The following PEX6 variants were observed in gnomAD, a reference collection of about 807,000 sequenced individuals.
PEX6 encodes the protein peroxisome biogenesis factor 6.
A neutral mutation model predicts 85.6 loss-of-function variants in PEX6; 55 were observed. That is an observed-to-expected ratio of 0.64 (90% confidence interval 0.52 to 0.80). PEX6 has a LOEUF of 0.80. Ranked by LOEUF, PEX6 falls within the 30% of genes least tolerant of loss-of-function variation. The pLI is 0.00. For missense variants in PEX6, 1,099 were observed against 1,260.3 expected (o/e 0.87, Z 1.94); for synonymous variants, 519 against 549.1 (o/e 0.95, Z 0.77).
chr6:42,970,312 C>A (rs1770018739), intron 3 of PEX6, among the ~76,000 whole-genome samples: 1 of 152,234 alleles, frequency 6.6e-6, no homozygotes, highest in African/African-American at 2.4e-5. Flanking sequence ...CATCTGATTA[C>A]TTCTACTGGC....
In PEX6 at chr6:42,964,148, A is replaced by T. The variant is rs905584251; in HGVS notation, c.*187T>A. The T allele has an allele frequency of 4.9e-5, 31 of 632,864 alleles. No individual in the cohort carries two copies. The African/African-American group carries it at 4.9e-4, about 10-fold the overall frequency. The allele number at this position is 632,864 out of a possible 1,614,324, so 39.2% of individuals were successfully genotyped here. A position where few individuals can be genotyped will look rare whatever the true frequency, so the allele number is the denominator to read the frequency against. On this transcript the variant is annotated 3_prime_UTR_variant, in exon 17 of 17. Coordinates refer to ENST00000304611, the MANE Select transcript of PEX6 (RefSeq NM_000287.4). This position sits in a 1 kb window ranked among gnomAD's most constrained non-coding sequence, Gnocchi z 4.6. ...GGCCTGGAAGGAGGGGCAAGTAGGCAGGAGATATCTCTTGAGCTGTTGCTG... is the reference window on the plus strand; with the variant it reads ...GGCCTGGAAGGAGGGGCAAGTAGGCTGGAGATATCTCTTGAGCTGTTGCTG...
intron 3 of PEX6, among the ~76,000 whole-genome samples, chr6:42,972,958 G>A (rs1020899965): frequency 4.6e-5 from 7 of 152,012 alleles, no homozygotes; most frequent in African/African-American, 7.2e-5. Flanking sequence ...AAGGAATCCC[G>A]TCTTGGTCTA....
At chr6:42,972,630 C>T (rs907410115) in intron 3 of PEX6, among the ~76,000 whole-genome samples, 3 of 152,002 alleles carry the variant, frequency 2.0e-5, no homozygotes, top group East Asian at 1.9e-4. Flanking sequence ...ATTAGCCGGG[C>T]GTGGTGGTGG....
Position 42,971,938 on chromosome 6 carries a change from G to A in PEX6, c.1131-1951C>T, listed in dbSNP as rs1385090003. ...ATGATAGGAGAGAGAGGTGGGAAGT[G>A]ACTGCTAAGTGCCAGCCTGGCATTT... is the stretch of plus-strand genomic sequence containing the variant. On this transcript the variant is annotated intron_variant, in intron 3 of 16. Coordinates refer to ENST00000304611, the MANE Select transcript of PEX6 (RefSeq NM_000287.4). This position sits in a 1 kb window ranked among gnomAD's most constrained non-coding sequence, Gnocchi z 4.4. Among the ~76,000 whole-genome samples the A allele has an allele frequency of 6.6e-6, 1 of 152,240 alleles. No individual in the cohort carries two copies. Among genetic ancestry groups the A allele is most frequent in the Non-Finnish European group, 1.5e-5 (1 of 68,040 alleles).
Position 42,978,365 on chromosome 6 carries a change from C to T in PEX6, c.786G>A (p.Leu262=). The change falls in exon 1 of 17, where the codon CTG becomes CTA. Residue 262 remains leucine, a synonymous_variant. Transcript: ENST00000304611. The part of the protein sequence containing the change: ...SDRLGPGSGP[L]GEPLADGLAL... ...CCAGTCCGTCAGCGAGGGGCTCTCC[C>T]AGCGGTCCAGAGCCGGGTCCCAGTC... The T allele has an allele frequency of 6.2e-7, 1 of 1,614,204 alleles. No individual in the cohort carries two copies.
rs1251675734 is a variant in PEX6 at position 42,966,253 on chromosome 6, A to C, written c.2289T>G (p.Leu763=). ...LAKAVATECS[L]TFLSVKGPEL... ...GGCCCCCTGGCCACCTGAGGAAGGTAAGGCTGCACTCAGTGGCTACTGCCT... is the reference window on the plus strand; with the variant it reads ...GGCCCCCTGGCCACCTGAGGAAGGTCAGGCTGCACTCAGTGGCTACTGCCT... Residue 763 remains leucine (L), a synonymous_variant, in exon 11 of 17, where the codon CTT becomes CTG. Transcript: ENST00000304611. 12 of 1,612,172 alleles carry C rather than the reference A, an allele frequency of 7.4e-6. No homozygotes were observed. The East Asian group carries it at 2.7e-4, about 36-fold the overall frequency.
At chr6:42,968,203 G>T in intron 7 of PEX6, 87 bp downstream of exon 7, 1 of 1,136,980 alleles carries the variant, frequency 8.8e-7, no homozygotes, top group Non-Finnish European at 1.3e-6. Flanking sequence ...ACCTGCCTCG[G>T]CCTCCCAATG....
chr6:42,976,026 C>G (rs574317151), intron 1 of PEX6, among the ~76,000 whole-genome samples: 1 of 151,708 alleles, frequency 6.6e-6, no homozygotes, highest in Admixed American at 6.6e-5. Context: ...GTAGCTGGGA[C>G]GACAGGCATG....
Position 42,966,121 on chromosome 6 carries a change from T to G in PEX6, c.2301-16A>C, listed in dbSNP as rs773842396. ...CCCCTTCACGCTGAGTGAGAGGATGTGAGAAGGTGAGAGCCGTCAGATGCA... is the reference window on the plus strand; with the variant it reads ...CCCCTTCACGCTGAGTGAGAGGATGGGAGAAGGTGAGAGCCGTCAGATGCA... On this transcript the variant is annotated splice_polypyrimidine_tract_variant and intron_variant, in intron 11 of 16. Coordinates refer to ENST00000304611, the MANE Select transcript of PEX6 (RefSeq NM_000287.4). 1.9e-6 allele frequency: 3 copies of G among 1,613,814 alleles called. No individual in the cohort carries two copies.
chr6:42,966,853 A>G lies in PEX6; in HGVS notation c.1890T>C (p.Phe630=). ...LAQLARRCAG[F]VVGDLYALLT... ...GAAGGGCATAGAGATCCCCTACCACAAAGCCCTAGGGAACCACAGGAAAGG... is the reference window on the plus strand; with the variant it reads ...GAAGGGCATAGAGATCCCCTACCACGAAGCCCTAGGGAACCACAGGAAAGG... The change falls in exon 9 of 17, where the codon TTT becomes TTC. Residue 630 remains phenylalanine, a synonymous_variant. Coordinates refer to ENST00000304611, the MANE Select transcript of PEX6 (RefSeq NM_000287.4). 1 of 1,612,406 alleles carries G rather than the reference A, an allele frequency of 6.2e-7. No homozygotes were observed. Among genetic ancestry groups the G allele is most frequent in the South Asian group, 1.1e-5 (1 of 91,062 alleles).
rs754596982 is a variant in PEX6 at position 42,964,559 on chromosome 6, A to G, written c.2807-88T>C. The G allele has an allele frequency of 6.4e-5, 95 of 1,489,050 alleles. No homozygotes were observed. Among genetic ancestry groups the G allele is most frequent in the Non-Finnish European group, 8.6e-5 (92 of 1,071,622 alleles). 92.2% of individuals were successfully genotyped at this position (1,489,050 alleles called of 1,614,324 possible). A position where few individuals can be genotyped will look rare whatever the true frequency, so the allele number is the denominator to read the frequency against. On this transcript the variant is annotated intron_variant, in intron 16 of 16. Transcript: ENST00000304611. This position sits in a 1 kb window ranked among gnomAD's most constrained non-coding sequence, Gnocchi z 4.6. ...TGGCTTCCTGCTCAGGGTCTCCTAG[A>G]TGTCAATGATCTTCCCTCTGGAATC...
chr6:42,972,998 G>T (rs1391399623), intron 3 of PEX6, among the ~76,000 whole-genome samples: 1 of 152,012 alleles, frequency 6.6e-6, no homozygotes, highest in African/African-American at 2.4e-5. Context: ...AAAAAGAAAA[G>T]AATTTAAATT....
chr6:42,967,293 G>T, intron 8 of PEX6, 75 bp downstream of exon 8: 1 of 1,426,870 alleles, frequency 7.0e-7, no homozygotes, highest in Non-Finnish European at 9.7e-7. Context: ...TCACTCACAA[G>T]GCAACAGGAC....
At chr6:42,972,076 GA>G (rs1770072029) in intron 3 of PEX6, among the ~76,000 whole-genome samples, 1 of 145,686 alleles carries the variant, frequency 6.9e-6, no homozygotes, top group South Asian at 2.3e-4. Flanking sequence ...GCACTGGCCA[GA>G]ACCAAGCACT....
chr6:42,967,755 T>C (rs916295506), intron 7 of PEX6, among the ~76,000 whole-genome samples, 192 bp from the exon 8 acceptor site: 7 of 152,010 alleles, frequency 4.6e-5, no homozygotes, highest in Admixed American at 1.3e-4. Context: ...GCAGAGGCTT[T>C]TTCTTTAACC....
chr6:42,966,191 C>A, intron 11 of PEX6, 51 bp downstream of exon 11: 1 of 1,609,222 alleles, frequency 6.2e-7, no homozygotes, highest in Non-Finnish European at 8.5e-7. Flanking sequence ...TGCTCCCCAG[C>A]CTGCTGCAGC....
rs759895120 is a variant in PEX6, at chr6:42,968,323, C to T, written c.1655G>A (p.Arg552His). Residue 552 changes from arginine to histidine, a missense_variant, in exon 7 of 17, where the codon CGT (arginine) becomes CAT (histidine). Arg to His is a conservative substitution (Grantham distance 29). Transcript: ENST00000304611. ...GEDARVMAVL[R>H]HLLLNEDPLN... is the part of the protein sequence containing the mutation. The stretch of plus-strand genomic sequence containing the variant: ...GGGGTCCTCATTGAGGAGGAGGTGA[C>T]GCAGCACAGCCATCACACGGGCATC... 41 of 1,614,096 alleles carry T rather than the reference C, an allele frequency of 2.5e-5. No individual in the cohort carries two copies. The highest frequency in any genetic ancestry group is 5.0e-5 in the Admixed American group (3 of 60,020).
At position 42,966,769 on chromosome 6, in the gene PEX6, C is replaced by T. The variant is rs923402821; in HGVS notation, c.1961+13G>A. 4.3e-6 allele frequency: 7 copies of T among 1,613,988 alleles called. No individual in the cohort carries two copies. Among genetic ancestry groups the T allele is most frequent in the Non-Finnish European group, 5.9e-6 (7 of 1,179,970 alleles). On this transcript the variant is annotated intron_variant, in intron 9 of 16. Coordinates refer to ENST00000304611, the MANE Select transcript of PEX6 (RefSeq NM_000287.4). ...TTCCTCTTTCCGCCTTTCCGGTGCC[C>T]ACGTCCTCTTACCCTGAGTTCTTGA...
At chr6:42,970,245 A>G (rs1029824765) in intron 3 of PEX6, among the ~76,000 whole-genome samples, 1 of 152,232 alleles carries the variant, frequency 6.6e-6, no homozygotes. Flanking sequence ...TTCTCCAGGC[A>G]TGTGGCCTAC....
Sources: allele counts gnomAD v4.1 joint callset (sites outside exome capture counted in the v4.1 genomes callset), GRCh38; gene constraint gnomAD v4.1.1; non-coding constraint Gnocchi (gnomAD v3.1); transcripts MANE v1.5; gene names NCBI Gene and HGNC (gene_info 2026-07-23, HGNC 2026-07-21).